ATXN1: variants seen among roughly 807,000 people sequenced by gnomAD.
ATXN1 encodes the protein ataxin 1.
In ATXN1, 8 loss-of-function variants were observed where a neutral mutation model predicts 56.4. That is an observed-to-expected ratio of 0.14 (90% confidence interval 0.08 to 0.26). The LOEUF is 0.26. Ranked by LOEUF, ATXN1 falls within the 10% of genes least tolerant of loss-of-function variation. The pLI is 1.00. For missense variants in ATXN1, 987 were observed against 1,106.5 expected, an observed-to-expected ratio of 0.89 and a Z score of 1.53; for synonymous variants, 514 against 494.6, an observed-to-expected ratio of 1.04 and a Z score of -0.52.
chr6:16,493,446 GT>G (rs1174959883), intron 5 of ATXN1, among the ~76,000 whole-genome samples: 9,159 of 115,448 alleles, frequency 0.079, 261 homozygotes, highest in African/African-American at 0.13. Flanking sequence ...TCAATCAGAA[GT>G]TTTTTTTTTT....
chr6:16,649,723 T>C (rs1360847780), intron 3 of ATXN1, among the ~76,000 whole-genome samples: 1 of 152,224 alleles, frequency 6.6e-6, no homozygotes, highest in Non-Finnish European at 1.5e-5. Flanking sequence ...ATTTTTAATA[T>C]CTTACCTGAA....
At chr6:16,554,851 A>G (rs1165923515) in intron 4 of ATXN1, among the ~76,000 whole-genome samples, 1 of 152,188 alleles carries the variant, frequency 6.6e-6, no homozygotes, top group African/African-American at 2.4e-5. Context: ...TCAGCCTCCC[A>G]AAGTGCTGAG....
intron 6 of ATXN1, among the ~76,000 whole-genome samples, chr6:16,458,578 G>C (rs1759927186): frequency 6.6e-6 from 1 of 152,168 alleles, no homozygotes; most frequent in East Asian, 1.9e-4. Flanking sequence ...AAGAGGAACA[G>C]GCAGAAAAGG....
At chr6:16,347,211 G>A (rs1761431808) in intron 6 of ATXN1, among the ~76,000 whole-genome samples, 1 of 152,238 alleles carries the variant, frequency 6.6e-6, no homozygotes, top group Non-Finnish European at 1.5e-5. Context: ...ACCACCCAAG[G>A]ACTGAGGAGT....
chr6:16,649,207 G>C (rs1418926582), intron 3 of ATXN1, among the ~76,000 whole-genome samples: 2 of 151,808 alleles, frequency 1.3e-5, no homozygotes, highest in Non-Finnish European at 2.9e-5. Flanking sequence ...TAATTTTGGA[G>C]ATGACTTTTC....
At chr6:16,670,166 G>A (rs1427507350) in intron 2 of ATXN1, among the ~76,000 whole-genome samples, 3 of 152,064 alleles carry the variant, frequency 2.0e-5, no homozygotes, top group African/African-American at 7.2e-5. Flanking sequence ...AGGTCAGCAG[G>A]GACCAAATCC....
At chr6:16,715,804 T>C (rs1759626797) in intron 2 of ATXN1, among the ~76,000 whole-genome samples, 2 of 152,200 alleles carry the variant, frequency 1.3e-5, no homozygotes, top group South Asian at 2.1e-4. Context: ...GCATTTGAAA[T>C]GCCGTAAGTT....
intron 3 of ATXN1, among the ~76,000 whole-genome samples, chr6:16,603,963 C>T (rs73370659): frequency 0.049 from 7,427 of 152,088 alleles, 583 homozygotes; most frequent in African/African-American, 0.17. Context: ...GGGTCTCTAC[C>T]AGGATTTTCC....
At chr6:16,389,348 A>G (rs201724413) in intron 6 of ATXN1, among the ~76,000 whole-genome samples, 1 of 119,492 alleles carries the variant, frequency 8.4e-6, no homozygotes. Flanking sequence ...AAAAAAAAAG[A>G]AAAAAAAAAA....
At chr6:16,521,908 A>C (rs2113695771) in intron 5 of ATXN1, among the ~76,000 whole-genome samples, 1 of 152,354 alleles carries the variant, frequency 6.6e-6, no homozygotes, top group South Asian at 2.1e-4. Context: ...GTAGCCAACT[A>C]GGATTATGAG....
chr6:16,644,739 G>A (rs148879974), intron 3 of ATXN1, among the ~76,000 whole-genome samples: 1,731 of 152,198 alleles, frequency 0.011, 20 homozygotes, highest in Middle Eastern at 0.065. Context: ...CCAGGAACGG[G>A]AAGGGATGAT....
chr6:16,338,294 C>G (rs1431123833), intron 6 of ATXN1, among the ~76,000 whole-genome samples: 1 of 152,018 alleles, frequency 6.6e-6, no homozygotes, highest in Non-Finnish European at 1.5e-5. Context: ...GAGATTGAGA[C>G]CATCCTGGAT....
intron 6 of ATXN1, among the ~76,000 whole-genome samples, chr6:16,455,870 G>C (rs1759856949): frequency 6.6e-6 from 1 of 152,022 alleles, no homozygotes; most frequent in African/African-American, 2.4e-5. Context: ...ATCAGCACTT[G>C]GTAAAATGCA....
At chr6:16,473,446 G>A (rs935660305) in intron 6 of ATXN1, among the ~76,000 whole-genome samples, 1 of 152,188 alleles carries the variant, frequency 6.6e-6, no homozygotes, top group Non-Finnish European at 1.5e-5. Flanking sequence ...AAATTAATGG[G>A]TAAGCATGGT....
chr6:16,646,912 AATT>A (rs1303336242), intron 3 of ATXN1, among the ~76,000 whole-genome samples: 1 of 152,234 alleles, frequency 6.6e-6, no homozygotes, highest in African/African-American at 2.4e-5. Flanking sequence ...TAACTAACGA[AATT>A]CCATGAAAGT....
intron 6 of ATXN1, among the ~76,000 whole-genome samples, chr6:16,457,229 T>C (rs908271081): frequency 5.3e-5 from 8 of 152,120 alleles, no homozygotes; most frequent in African/African-American, 9.7e-5. Context: ...GTGCAGGTTT[T>C]TGAGAATCCA....
intron 5 of ATXN1, among the ~76,000 whole-genome samples, chr6:16,488,483 T>C (rs1399480273): frequency 6.6e-6 from 1 of 152,226 alleles, no homozygotes; most frequent in Non-Finnish European, 1.5e-5. Flanking sequence ...AGTGGTCTGT[T>C]TACTTACCCA....
At chr6:16,454,685 T>C (rs144096425) in intron 6 of ATXN1, among the ~76,000 whole-genome samples, 9 of 152,348 alleles carry the variant, frequency 5.9e-5, no homozygotes, top group Admixed American at 5.2e-4. Context: ...GACTTAGTGC[T>C]TTTGGCAGGT....
chr6:16,401,112 C>T (rs1758560722), intron 6 of ATXN1, among the ~76,000 whole-genome samples: 1 of 152,190 alleles, frequency 6.6e-6, no homozygotes, highest in African/African-American at 2.4e-5. Context: ...GCTAGTACCC[C>T]ATTAATTTTC....
Sources: allele counts gnomAD v4.1 joint callset (sites outside exome capture counted in the v4.1 genomes callset), GRCh38; gene constraint gnomAD v4.1.1; transcripts MANE v1.5; gene names NCBI Gene and HGNC (gene_info 2026-07-23, HGNC 2026-07-21).